SSH1: variants seen among roughly 807,000 people sequenced by gnomAD.
SSH1 encodes the protein protein phosphatase Slingshot homolog 1.
SSH1 carries 43 observed loss-of-function variants against 79.7 expected under a neutral mutation model. The observed-to-expected ratio is 0.54, with a 90% confidence interval of 0.42 to 0.70. The LOEUF (loss-of-function observed/expected upper bound fraction) is 0.70, where lower values mean the gene tolerates loss of function less well. Ranked by LOEUF, SSH1 falls within the 30% of genes least tolerant of loss-of-function variation. The probability of loss-of-function intolerance (pLI) is 0.00; values close to 1 mark genes in which losing one functional copy is unlikely to be tolerated. For missense variants in SSH1, 1,206 were observed against 1,358.8 expected, an observed-to-expected ratio of 0.89 and a Z score of 1.77; for synonymous variants, 599 against 538.3, an observed-to-expected ratio of 1.11 and a Z score of -1.56.
rs79414425 is a variant in SSH1 at position 108,827,954 on chromosome 12, C to T, written c.111-4593G>A. ...CACACCTATGAGGAGCTCTGGGATA[C>T]GCACGGTGCCCAAGGCAGGTCAGGC... On this transcript the variant is annotated intron_variant, in intron 2 of 14. Transcript: ENST00000326495. 3.5e-4 allele frequency among the ~76,000 whole-genome samples: 53 copies of T among 152,322 alleles called. No individual in the cohort carries two copies. In the East Asian group the frequency reaches 9.3e-3, roughly 27 times the overall value.
chr12:108,803,008 A>C (rs1377143635), intron 10 of SSH1, among the ~76,000 whole-genome samples: 8 of 152,192 alleles, frequency 5.3e-5, no homozygotes, highest in Non-Finnish European at 8.8e-5. Context: ...AAAACAAATA[A>C]ATTTTGCAGA....
intron 14 of SSH1, 26 bp from the exon 15 acceptor site, chr12:108,789,270 G>C (rs902667694): frequency 1.3e-6 from 2 of 1,575,510 alleles, no homozygotes; most frequent in Non-Finnish European, 1.7e-6. Context: ...CAAGAGCATG[G>C]TGAGACGGTG....
chr12:108,818,186 A>T, intron 4 of SSH1, 63 bp downstream of exon 4: 6 of 1,174,326 alleles, frequency 5.1e-6, no homozygotes, highest in South Asian at 1.2e-5. Context: ...CAACAGAGCA[A>T]GACCCTCATC....
intron 2 of SSH1, among the ~76,000 whole-genome samples, chr12:108,824,358 C>T (rs1389997890): frequency 2.0e-5 from 3 of 151,928 alleles, no homozygotes; most frequent in Non-Finnish European, 2.9e-5. Context: ...GCACAAGAAT[C>T]GCTTACTTGA....
chr12:108,840,944 G>A (rs1389850952), intron 2 of SSH1, among the ~76,000 whole-genome samples: 1 of 152,168 alleles, frequency 6.6e-6, no homozygotes, highest in African/African-American at 2.4e-5. Flanking sequence ...TGCTCTCACC[G>A]TGGGAATAAA....
intron 2 of SSH1, 144 bp downstream of exon 2, chr12:108,852,494 T>A (rs2039062880): frequency 1.1e-6 from 1 of 925,988 alleles, no homozygotes. Context: ...CCTCCCAAAG[T>A]GCTGGAATTA....
chr12:108,809,514 C>T (rs1308733240), intron 7 of SSH1, among the ~76,000 whole-genome samples, 179 bp downstream of exon 7: 1 of 151,460 alleles, frequency 6.6e-6, no homozygotes, highest in Admixed American at 6.6e-5. Context: ...ATACTTAATG[C>T]CGCTAAAAAT....
rs183341071 is a variant in SSH1, at chr12:108,800,966, T to C, written c.1002-40A>G. The C allele has an allele frequency of 1.2e-5, 19 of 1,587,982 alleles. No individual in the cohort carries two copies. The East Asian group carries it at 3.8e-4, about 32-fold the overall frequency. ...AAATAAGAAACAAATTTGGACAATC[T>C]GAATGAGAAAGAAAAGCAAGGTAAT... On this transcript the variant is annotated intron_variant, in intron 11 of 14. Transcript: ENST00000326495.
chr12:108,799,285 T>C (rs2036885660), intron 12 of SSH1, 85 bp from the exon 13 acceptor site: 2 of 1,169,128 alleles, frequency 1.7e-6, no homozygotes, highest in South Asian at 1.4e-5. Flanking sequence ...CTTCATTCTC[T>C]CAGGTTTTAC....
intron 2 of SSH1, among the ~76,000 whole-genome samples, chr12:108,839,527 G>A (rs920030667): frequency 1.3e-5 from 2 of 152,176 alleles, no homozygotes; most frequent in Admixed American, 6.5e-5. Flanking sequence ...GGGGAAACAC[G>A]CCTCGAGGAC....
At chr12:108,817,727 C>T (rs1171055749) in intron 4 of SSH1, among the ~76,000 whole-genome samples, 2 of 152,174 alleles carry the variant, frequency 1.3e-5, no homozygotes, top group African/African-American at 2.4e-5. Flanking sequence ...AAAGAAAGTT[C>T]GTATTTAGCT....
At chr12:108,820,039 T>C (rs949751241) in intron 3 of SSH1, among the ~76,000 whole-genome samples, 2 of 151,016 alleles carry the variant, frequency 1.3e-5, no homozygotes, top group African/African-American at 4.9e-5. Flanking sequence ...TAAGCGTTCT[T>C]TCTTTTTCTT....
intron 13 of SSH1, among the ~76,000 whole-genome samples, chr12:108,793,998 T>C (rs1187460052): frequency 1.3e-5 from 2 of 152,136 alleles, no homozygotes; most frequent in Non-Finnish European, 2.9e-5. Context: ...GTCAGTGAGA[T>C]GCTCGCTCTT....
rs138960695 is a variant in SSH1 at position 108,805,110 on chromosome 12, T to G, written c.900A>C (p.Leu300=). ...ELKEFIDNEM[L]LILGQMDKPS... is the part of the protein sequence containing the mutation. Reference sequence around the variant, plus strand: ...GCTTGTCCATCTGTCCCAAGATAAGTAGCATCTCATTGTCTATAAATTCCT... The same window carrying G: ...GCTTGTCCATCTGTCCCAAGATAAGGAGCATCTCATTGTCTATAAATTCCT... Residue 300 remains leucine (L), a synonymous_variant, in exon 10 of 15, where the codon CTA becomes CTC. Coordinates refer to ENST00000326495, the MANE Select transcript of SSH1 (RefSeq NM_018984.4). 6.2e-7 allele frequency: 1 copy of G among 1,614,068 alleles called. No individual in the cohort carries two copies. Among genetic ancestry groups the G allele is most frequent in the Non-Finnish European group, 8.5e-7 (1 of 1,179,882 alleles).
intron 5 of SSH1, 132 bp downstream of exon 5, chr12:108,816,906 C>T: frequency 1.4e-6 from 2 of 1,402,128 alleles, no homozygotes; most frequent in Admixed American, 3.4e-5. Context: ...TTCCCAGTGG[C>T]TCGACTCCCC....
chr12:108,792,143 G>A, intron 14 of SSH1, 143 bp downstream of exon 14: 1 of 1,507,018 alleles, frequency 6.6e-7, no homozygotes, highest in Non-Finnish European at 8.9e-7. Context: ...ATGGGAGCTG[G>A]GGGCCCAGAG....
chr12:108,787,976 G>A lies in SSH1; in HGVS notation c.*12C>T, dbSNP rs758868464. ...GAAAATATCCGCCCAGCCTGACGCA[G>A]CAAAAGGCGGGTCAGCTTTTGCTCA... On this transcript the variant is annotated 3_prime_UTR_variant, in exon 15 of 15. Transcript: ENST00000326495. 1 of 1,614,152 alleles carries A rather than the reference G, an allele frequency of 6.2e-7. No homozygotes were observed. The highest frequency in any genetic ancestry group is 8.5e-7 in the Non-Finnish European group (1 of 1,180,016).
At chr12:108,820,134 T>C (rs1366345125) in intron 3 of SSH1, among the ~76,000 whole-genome samples, 2 of 152,014 alleles carry the variant, frequency 1.3e-5, no homozygotes, top group Admixed American at 6.6e-5. Flanking sequence ...CACCTCAGCC[T>C]CCCAAAGTGC....
At chr12:108,791,857 G>A (rs1403099223) in intron 14 of SSH1, 1 of 1,041,756 alleles carries the variant, frequency 9.6e-7, no homozygotes, top group Non-Finnish European at 1.2e-6. Context: ...GGATCATCAG[G>A]GGTGTGGGGA....
Sources: allele counts gnomAD v4.1 joint callset (sites outside exome capture counted in the v4.1 genomes callset), GRCh38; gene constraint gnomAD v4.1.1; transcripts MANE v1.5; gene names NCBI Gene and HGNC (gene_info 2026-07-23, HGNC 2026-07-21).